CNTN5: variants seen among roughly 807,000 people sequenced by gnomAD.
CNTN5 encodes contactin 5, also known as contactin-5.
Under a neutral mutation model 129.1 loss-of-function variants are expected in CNTN5, and 77 were observed. The observed-to-expected ratio is 0.60, with a 90% CI of 0.50 to 0.72. The LOEUF (loss-of-function observed/expected upper bound fraction) is 0.72. Ranked by LOEUF, CNTN5 falls within the 30% of genes least tolerant of loss-of-function variation. The pLI is 0.00. For missense variants in CNTN5, 1,478 were observed against 1,328.8 expected, an observed-to-expected ratio of 1.11 and a Z score of -1.75; for synonymous variants, 509 against 465.6, an observed-to-expected ratio of 1.09 and a Z score of -1.20.
At chr11:99,424,259 G>A (rs1357518482) in intron 2 of CNTN5, among the ~76,000 whole-genome samples, 3 of 152,182 alleles carry the variant, frequency 2.0e-5, no homozygotes, top group Non-Finnish European at 4.4e-5. Context: ...TAAACAGTGG[G>A]TCTGATAACC....
intron 1 of CNTN5, among the ~76,000 whole-genome samples, chr11:99,073,641 C>A (rs1865437289): frequency 6.6e-6 from 1 of 152,078 alleles, no homozygotes; most frequent in African/African-American, 2.4e-5. Flanking sequence ...TGAGTGAAAA[C>A]ACGCGGTGTT....
chr11:100,072,660 T>A (rs1017869468), intron 12 of CNTN5, among the ~76,000 whole-genome samples: 2 of 152,128 alleles, frequency 1.3e-5, no homozygotes, highest in African/African-American at 4.8e-5. Context: ...ACACCAAAGA[T>A]CTCAGGAATC....
intron 7 of CNTN5, among the ~76,000 whole-genome samples, chr11:99,948,781 A>G (rs1366267696): frequency 2.0e-5 from 3 of 152,184 alleles, no homozygotes; most frequent in African/African-American, 7.2e-5. Context: ...ACTAGATTGT[A>G]TTGGTGCTCC....
Position 99,687,861 on chromosome 11 carries a change from A to G in CNTN5, c.55+131592A>G, listed in dbSNP as rs577320422. The stretch of plus-strand genomic sequence containing the variant: ...TCAGGTGCTGGTTCTGTCCTGTGAC[A>G]TGATAGGAATCAAATTATATTCCCA... On this transcript the variant is annotated intron_variant, in intron 3 of 24. Transcript: ENST00000524871. Among the ~76,000 whole-genome samples the G allele has an allele frequency of 2.6e-5, 4 of 152,354 alleles. No individual in the cohort carries two copies. In the South Asian group the frequency reaches 8.3e-4, roughly 32 times the overall value.
chr11:99,022,333 C>A (rs970877762), intron 1 of CNTN5, among the ~76,000 whole-genome samples: 2 of 152,020 alleles, frequency 1.3e-5, no homozygotes, highest in African/African-American at 2.4e-5. Context: ...TGAATTGCAA[C>A]AGAATTACAG....
At chr11:99,098,450 G>C (rs531297055) in intron 1 of CNTN5, among the ~76,000 whole-genome samples, 1 of 152,088 alleles carries the variant, frequency 6.6e-6, no homozygotes, top group East Asian at 1.9e-4. Context: ...CACAACACTA[G>C]TGGCTGAAAA....
intron 6 of CNTN5, among the ~76,000 whole-genome samples, chr11:99,865,114 TG>T (rs1387334137): frequency 2.0e-5 from 3 of 152,170 alleles, no homozygotes; most frequent in Non-Finnish European, 4.4e-5. Flanking sequence ...CTTGAGACCT[TG>T]TATTCATTCA....
chr11:99,936,224 G>C (rs953299587), intron 7 of CNTN5, among the ~76,000 whole-genome samples: 1 of 152,120 alleles, frequency 6.6e-6, no homozygotes, highest in Non-Finnish European at 1.5e-5. Flanking sequence ...TAAATAGCAG[G>C]GGTTGCAGAC....
intron 2 of CNTN5, among the ~76,000 whole-genome samples, chr11:99,509,316 CATCGTACATGA>C (rs1946745912): frequency 6.6e-6 from 1 of 152,052 alleles, no homozygotes; most frequent in African/African-American, 2.4e-5. Flanking sequence ...GTCAGTTCAC[CATCGTACATGA>C]AAAATTCTCA....
intron 1 of CNTN5, among the ~76,000 whole-genome samples, chr11:99,222,329 A>G (rs1860438781): frequency 6.6e-6 from 1 of 151,870 alleles, no homozygotes; most frequent in African/African-American, 2.4e-5. Context: ...TAGGGAAGGA[A>G]GGATAAAGGA....
At chr11:100,043,062 G>T (rs1942466598) in intron 9 of CNTN5, among the ~76,000 whole-genome samples, 2 of 152,020 alleles carry the variant, frequency 1.3e-5, no homozygotes, top group Non-Finnish European at 2.9e-5. Flanking sequence ...CTACTCTCAG[G>T]TTATTATTAT....
intron 3 of CNTN5, among the ~76,000 whole-genome samples, chr11:99,681,669 A>C (rs1442805102): frequency 6.6e-6 from 1 of 152,084 alleles, no homozygotes; most frequent in African/African-American, 2.4e-5. Context: ...TGCAATATAC[A>C]CTTCATTGCA....
chr11:100,190,220 G>A (rs1948436593), intron 13 of CNTN5, among the ~76,000 whole-genome samples: 1 of 151,916 alleles, frequency 6.6e-6, no homozygotes, highest in Non-Finnish European at 1.5e-5. Context: ...AAGTTCACAG[G>A]GGCTACTGGT....
chr11:100,063,706 T>TAAAAAAAAAA (rs35896237), intron 10 of CNTN5, among the ~76,000 whole-genome samples: 75 of 115,242 alleles, frequency 6.5e-4, no homozygotes, highest in South Asian at 6.5e-3. Flanking sequence ...AACCTGTCTC[T>TAAAAAAAAAA]AAAAAAAAAA....
chr11:99,920,061 T>C (rs1038330545), intron 7 of CNTN5, among the ~76,000 whole-genome samples: 7 of 152,160 alleles, frequency 4.6e-5, no homozygotes, highest in Non-Finnish European at 1.0e-4. Context: ...ATCTGTATCA[T>C]GGCATGTATC....
chr11:100,277,039 T>G (rs1217978190), intron 18 of CNTN5, among the ~76,000 whole-genome samples: 1 of 152,146 alleles, frequency 6.6e-6, no homozygotes, highest in African/African-American at 2.4e-5. Context: ...ATTGTTTTAA[T>G]TTTTAGCTCT....
intron 1 of CNTN5, among the ~76,000 whole-genome samples, chr11:99,310,527 A>C (rs1591504415): frequency 6.6e-6 from 1 of 152,156 alleles, no homozygotes; most frequent in African/African-American, 2.4e-5. Context: ...TTACCCTTTT[A>C]TTTGTTTTTA....
intron 13 of CNTN5, among the ~76,000 whole-genome samples, chr11:100,158,623 T>G (rs180799519): frequency 6.6e-6 from 1 of 151,892 alleles, no homozygotes; most frequent in Non-Finnish European, 1.5e-5. Flanking sequence ...AAATGCAAAT[T>G]TTTAAAAATA....
At chr11:99,532,903 C>T (rs748008242) in intron 2 of CNTN5, among the ~76,000 whole-genome samples, 6 of 152,078 alleles carry the variant, frequency 3.9e-5, no homozygotes, top group Non-Finnish European at 7.4e-5. Flanking sequence ...AAAGACAATC[C>T]AGTTGATAGA....
Sources: allele counts gnomAD v4.1 joint callset (sites outside exome capture counted in the v4.1 genomes callset), GRCh38; gene constraint gnomAD v4.1.1; transcripts MANE v1.5; gene names NCBI Gene and HGNC (gene_info 2026-07-23, HGNC 2026-07-21).